The following GPR137C variants were observed in gnomAD, a reference collection of about 807,000 sequenced individuals.
The protein encoded by GPR137C is integral membrane protein GPR137C.
A neutral mutation model predicts 43.4 loss-of-function variants in GPR137C; 27 were observed. The ratio of observed to expected loss-of-function variants is 0.62; its 90% CI spans 0.46 to 0.86. GPR137C has a LOEUF of 0.86. Ranked by LOEUF, GPR137C falls within the 40% of genes least tolerant of loss-of-function variation. The pLI is 0.00. For missense variants in GPR137C, 522 were observed against 534.6 expected, an observed-to-expected ratio of 0.98 and a Z score of 0.23; for synonymous variants, 285 against 226.9, an observed-to-expected ratio of 1.26 and a Z score of -2.30.
intron 3 of GPR137C, 87 bp downstream of exon 3, chr14:52,600,428 CTATTT>C (rs72343825): frequency 0.12 from 77,887 of 674,542 alleles, 7,550 homozygotes; most frequent in East Asian, 0.37. Context: ...GTTTATATTG[CTATTT>C]TATTTTATTT....
At chr14:52,567,684 G>C (rs1215877182) in intron 1 of GPR137C, among the ~76,000 whole-genome samples, 2 of 141,126 alleles carry the variant, frequency 1.4e-5, no homozygotes, top group Non-Finnish European at 3.0e-5. Context: ...TTTTGAGACA[G>C]AGAATCGCCC....
chr14:52,590,341 A>T (rs2038766351), intron 1 of GPR137C, among the ~76,000 whole-genome samples: 1 of 152,248 alleles, frequency 6.6e-6, no homozygotes, highest in South Asian at 2.1e-4. Flanking sequence ...GCCAAGGGTC[A>T]GTACAAGAGT....
intron 1 of GPR137C, among the ~76,000 whole-genome samples, chr14:52,557,425 C>A (rs1300085700): frequency 2.0e-5 from 3 of 152,130 alleles, no homozygotes; most frequent in Non-Finnish European, 4.4e-5. Flanking sequence ...TAAGGCTTTG[C>A]TAATTTAGTT....
In GPR137C at chr14:52,553,143, C is replaced by T; in HGVS notation, c.-5C>T. 2.6e-6 allele frequency: 3 copies of T among 1,168,200 alleles called. No homozygotes were observed. Among genetic ancestry groups the T allele is most frequent in the Non-Finnish European group, 3.2e-6 (3 of 949,298 alleles). The allele number at this position is 1,168,200 out of a possible 1,614,324, so 72.4% of individuals were successfully genotyped here. On this transcript the variant is annotated 5_prime_UTR_variant, in exon 1 of 7. Coordinates refer to ENST00000321662, the MANE Select transcript of GPR137C (RefSeq NM_001099652.2). ...GCGCTCGCTCGCCCGGCCCCCAGCC[C>T]CCTCATGAGGGTGTCCGTGCCGGGT...
At chr14:52,612,677 T>A in intron 3 of GPR137C, 1 of 196,810 alleles carries the variant, frequency 5.1e-6, no homozygotes, top group Non-Finnish European at 9.1e-6. Flanking sequence ...TTCTCCTACC[T>A]CAGCCTCCCA....
intron 1 of GPR137C, among the ~76,000 whole-genome samples, chr14:52,591,901 T>G (rs560576997): frequency 6.6e-6 from 1 of 152,354 alleles, no homozygotes; most frequent in African/African-American, 2.4e-5. Flanking sequence ...TCTTTGCCCA[T>G]GCCTACGTCC....
chr14:52,561,871 G>A (rs949987794), intron 1 of GPR137C, among the ~76,000 whole-genome samples: 5 of 152,166 alleles, frequency 3.3e-5, no homozygotes, highest in African/African-American at 1.2e-4. Flanking sequence ...AGTGGGTGGG[G>A]AGATACTCTG....
chr14:52,629,313 T>G (rs1004896635), intron 3 of GPR137C, among the ~76,000 whole-genome samples: 1 of 152,186 alleles, frequency 6.6e-6, no homozygotes, highest in African/African-American at 2.4e-5. Context: ...AAACTATTTG[T>G]ACAAGAATAT....
chr14:52,590,431 T>C (rs2038767570), intron 1 of GPR137C, among the ~76,000 whole-genome samples: 1 of 152,186 alleles, frequency 6.6e-6, no homozygotes, highest in Non-Finnish European at 1.5e-5. Flanking sequence ...AAAATAAATT[T>C]AGTGTAGCAT....
intron 3 of GPR137C, among the ~76,000 whole-genome samples, chr14:52,626,306 G>A (rs1340671562): frequency 1.3e-5 from 2 of 152,032 alleles, no homozygotes; most frequent in African/African-American, 4.8e-5. Flanking sequence ...CATATAAAAA[G>A]CATAATTTAT....
Position 52,553,697 on chromosome 14 carries a change from G to A in GPR137C, c.444+106G>A. 3.3e-6 allele frequency: 3 copies of A among 902,352 alleles called. No individual in the cohort carries two copies. In the South Asian group the frequency reaches 5.3e-5, roughly 16 times the overall value. The allele number at this position is 902,352 out of a possible 1,614,324, so 55.9% of individuals were successfully genotyped here. A position where few individuals can be genotyped will look rare whatever the true frequency, so the allele number is the denominator to read the frequency against. On this transcript the variant is annotated intron_variant, in intron 1 of 6. Coordinates refer to ENST00000321662, the MANE Select transcript of GPR137C (RefSeq NM_001099652.2). ...GGCGGGGGGTGGGCAGCGAGAGGCGGACTGGAAACCAGCCTGGGGAAACTG... is the reference window on the plus strand; with the variant it reads ...GGCGGGGGGTGGGCAGCGAGAGGCGAACTGGAAACCAGCCTGGGGAAACTG...
intron 6 of GPR137C, among the ~76,000 whole-genome samples, chr14:52,634,722 C>T (rs1421754072): frequency 6.6e-6 from 1 of 152,010 alleles, no homozygotes; most frequent in Non-Finnish European, 1.5e-5. Flanking sequence ...GGCATTTATT[C>T]ATTCTTTTGT....
chr14:52,630,022 T>A lies in GPR137C; in HGVS notation c.718-2138T>A, dbSNP rs367885268. ...TTGTTCTGACTCTATTTTAGGAAGG[T>A]TTTCTTCGACTTTCGATAACACTTT... On this transcript the variant is annotated intron_variant, in intron 3 of 6. Transcript: ENST00000321662. Among the ~76,000 whole-genome samples, 9 of 152,294 alleles carry A rather than the reference T, an allele frequency of 5.9e-5. No individual in the cohort carries two copies. The East Asian group carries it at 9.6e-4, about 16-fold the overall frequency.
chr14:52,584,128 A>G lies in GPR137C; in HGVS notation c.445-14144A>G, dbSNP rs964502423. 1.3e-5 allele frequency among the ~76,000 whole-genome samples: 2 copies of G among 152,106 alleles called. 1 individual carries two copies. Among genetic ancestry groups the G allele is most frequent in the African/African-American group, 4.8e-5 (2 of 41,418 alleles). On this transcript the variant is annotated intron_variant, in intron 1 of 6. Transcript: ENST00000321662. The stretch of plus-strand genomic sequence containing the variant: ...CACCAGAGTGAGTTCTTCCTCTACA[A>G]TAGTGCCCACATTTTCCAATTCTAA...
chr14:52,557,383 T>C (rs2038210861), intron 1 of GPR137C, among the ~76,000 whole-genome samples: 1 of 152,220 alleles, frequency 6.6e-6, no homozygotes, highest in Admixed American at 6.5e-5. Flanking sequence ...TTAATGAAAC[T>C]TTTTATATCA....
intron 1 of GPR137C, among the ~76,000 whole-genome samples, chr14:52,561,675 C>T (rs1224417688): frequency 6.6e-6 from 1 of 152,138 alleles, no homozygotes. Flanking sequence ...GACACAACAA[C>T]GTGGATTAAT....
chr14:52,593,844 G>C (rs2038815903), intron 1 of GPR137C, among the ~76,000 whole-genome samples: 1 of 152,014 alleles, frequency 6.6e-6, no homozygotes, highest in Non-Finnish European at 1.5e-5. Flanking sequence ...GTTCTGCTCT[G>C]ATCTTTGTTG....
chr14:52,576,035 C>T (rs1309495276), intron 1 of GPR137C, among the ~76,000 whole-genome samples: 4 of 152,168 alleles, frequency 2.6e-5, no homozygotes, highest in Non-Finnish European at 5.9e-5. Flanking sequence ...TGACTTTACT[C>T]AGTCCCCAGC....
intron 1 of GPR137C, among the ~76,000 whole-genome samples, chr14:52,580,291 C>A (rs1364928870): frequency 6.6e-6 from 1 of 152,120 alleles, no homozygotes; most frequent in Non-Finnish European, 1.5e-5. Flanking sequence ...ATTAAACCAT[C>A]CCAATTTGTA....
Sources: gnomAD v4.1 joint callset for allele counts (sites outside exome capture counted in the v4.1 genomes callset) on GRCh38, gnomAD v4.1.1 for gene constraint, MANE v1.5 for transcripts, NCBI Gene and HGNC (gene_info 2026-07-23, HGNC 2026-07-21) for gene names.